Variants in NKAIN2 observed in about 807,000 individuals in gnomAD.
The protein encoded by NKAIN2 is sodium/potassium transporting ATPase interacting 2.
In NKAIN2, 14 loss-of-function variants were observed where a neutral mutation model predicts 32.6. That is an observed-to-expected ratio of 0.43 (90% confidence interval 0.28 to 0.67). NKAIN2 has a LOEUF of 0.67. Among genes scored for constraint, NKAIN2 ranks in the 30% least tolerant of loss-of-function variants. The probability of loss-of-function intolerance (pLI) is 0.17; values close to 1 mark genes in which losing one functional copy is unlikely to be tolerated. For missense variants in NKAIN2, 198 were observed against 258.3 expected, an observed-to-expected ratio of 0.77 and a Z score of 1.60; for synonymous variants, 80 against 87.2, an observed-to-expected ratio of 0.92 and a Z score of 0.46.
chr6:124,754,870 A>T (rs540213998), intron 4 of NKAIN2, among the ~76,000 whole-genome samples: 6 of 152,208 alleles, frequency 3.9e-5, no homozygotes, highest in African/African-American at 1.4e-4. Flanking sequence ...AATAGCAAAG[A>T]CATGGAATCA....
At chr6:124,277,601 T>C (rs1795098673) in intron 1 of NKAIN2, among the ~76,000 whole-genome samples, 1 of 152,150 alleles carries the variant, frequency 6.6e-6, no homozygotes, top group Non-Finnish European at 1.5e-5. Context: ...GACAAGTTTG[T>C]TAGTTCCTTG....
chr6:124,034,125 A>C (rs543895152), intron 1 of NKAIN2, among the ~76,000 whole-genome samples: 1 of 151,510 alleles, frequency 6.6e-6, no homozygotes, highest in Non-Finnish European at 1.5e-5. Flanking sequence ...TTTCTTTTTT[A>C]TTTTTCTTTA....
chr6:124,751,922 C>T (rs1013927060), intron 4 of NKAIN2, among the ~76,000 whole-genome samples: 2 of 151,984 alleles, frequency 1.3e-5, no homozygotes, highest in African/African-American at 4.8e-5. Flanking sequence ...ATTGAGGCTG[C>T]AGTGAGCTGT....
intron 4 of NKAIN2, among the ~76,000 whole-genome samples, chr6:124,684,294 GT>G (rs1313816169): frequency 6.6e-6 from 1 of 152,118 alleles, no homozygotes; most frequent in African/African-American, 2.4e-5. Context: ...GTGGAGTTTA[GT>G]AAATAGAGAT....
At chr6:124,303,657 G>C (rs111347854) in intron 2 of NKAIN2, among the ~76,000 whole-genome samples, 107 of 152,352 alleles carry the variant, frequency 7.0e-4, no homozygotes, top group Admixed American at 1.0e-3. Context: ...AGGTGGGTTA[G>C]CACCCAAGAT....
chr6:124,229,457 T>A (rs185284288), intron 1 of NKAIN2, among the ~76,000 whole-genome samples: 28 of 152,124 alleles, frequency 1.8e-4, no homozygotes, highest in Admixed American at 8.5e-4. Context: ...ATATATTATG[T>A]TCACATATTT....
chr6:124,364,333 G>T (rs1489809831), intron 3 of NKAIN2, among the ~76,000 whole-genome samples: 1 of 150,454 alleles, frequency 6.6e-6, no homozygotes, highest in Non-Finnish European at 1.5e-5. Context: ...TAAAAAAACA[G>T]AATTGGATAG....
chr6:123,885,994 C>G (rs190680717), intron 1 of NKAIN2, among the ~76,000 whole-genome samples: 2 of 144,974 alleles, frequency 1.4e-5, no homozygotes, highest in Admixed American at 6.9e-5. Flanking sequence ...TAGAAGAATA[C>G]AATTAAAAAA....
chr6:124,729,730 A>G (rs1418921126), intron 4 of NKAIN2, among the ~76,000 whole-genome samples: 1 of 151,174 alleles, frequency 6.6e-6, no homozygotes, highest in Non-Finnish European at 1.5e-5. Flanking sequence ...AGGAGAAGGA[A>G]ATAAAGGGTA....
At chr6:124,095,949 A>T (rs896896513) in intron 1 of NKAIN2, among the ~76,000 whole-genome samples, 8 of 152,176 alleles carry the variant, frequency 5.3e-5, no homozygotes, top group Non-Finnish European at 1.0e-4. Flanking sequence ...GGGCCCAGAG[A>T]TCTCTTTGTT....
At position 123,956,827 on chromosome 6, in the gene NKAIN2, A is replaced by G. The variant is rs184978946; in HGVS notation, c.54+152573A>G. Among the ~76,000 whole-genome samples, 261 of 152,364 alleles carry G rather than the reference A, an allele frequency of 1.7e-3. 1 individual carries two copies. The highest frequency in any genetic ancestry group is 6.8e-3 in the Middle Eastern group (2 of 294). On this transcript the variant is annotated intron_variant, in intron 1 of 6. Transcript: ENST00000368417. ...AGCATTTGTTGCAAGAGCTCAAGCT[A>G]GCCTCTCTGTGAATCAGTGCAAAGA...
intron 1 of NKAIN2, among the ~76,000 whole-genome samples, chr6:124,111,721 A>C (rs907167938): frequency 5.9e-5 from 9 of 151,918 alleles, no homozygotes; most frequent in African/African-American, 2.2e-4. Flanking sequence ...GTTTCTTATT[A>C]TTCTTACAGT....
At chr6:124,528,168 G>T (rs894045190) in intron 3 of NKAIN2, among the ~76,000 whole-genome samples, 1 of 152,218 alleles carries the variant, frequency 6.6e-6, no homozygotes, top group Non-Finnish European at 1.5e-5. Context: ...GCAACCTAGA[G>T]AGAGATGCTG....
chr6:124,186,932 CAG>C (rs1478221531), intron 1 of NKAIN2, among the ~76,000 whole-genome samples: 1 of 151,128 alleles, frequency 6.6e-6, no homozygotes, highest in Admixed American at 6.6e-5. Context: ...TACCTTAAAA[CAG>C]AGAATTTTTT....
chr6:124,380,385 A>T (rs1223843455), intron 3 of NKAIN2, among the ~76,000 whole-genome samples: 1 of 152,316 alleles, frequency 6.6e-6, no homozygotes, highest in East Asian at 1.9e-4. Flanking sequence ...ACTTCTTCAC[A>T]TGTAGATGTG....
At chr6:123,832,004 A>T (rs545870097) in intron 1 of NKAIN2, among the ~76,000 whole-genome samples, 1 of 152,142 alleles carries the variant, frequency 6.6e-6, no homozygotes, top group African/African-American at 2.4e-5. Context: ...ATCCGTTTTC[A>T]TTAGGGTTCC....
Position 124,069,268 on chromosome 6 carries a change from A to G in NKAIN2, c.55-213737A>G, listed in dbSNP as rs140462361. Among the ~76,000 whole-genome samples, 464 of 152,158 alleles carry G rather than the reference A, an allele frequency of 3.0e-3. 3 individuals carry two copies. Among genetic ancestry groups the G allele is most frequent in the Non-Finnish European group, 4.2e-3 (284 of 68,012 alleles). Reference sequence around the variant, plus strand: ...AATTGTTCACAGTCAACTCAATTCTATGGAGCAGTCACCTAGCAAGAGTTC... The same window carrying G: ...AATTGTTCACAGTCAACTCAATTCTGTGGAGCAGTCACCTAGCAAGAGTTC... On this transcript the variant is annotated intron_variant, in intron 1 of 6. Coordinates refer to ENST00000368417, the MANE Select transcript of NKAIN2 (RefSeq NM_001040214.3).
chr6:124,107,506 G>A (rs1450583853), intron 1 of NKAIN2, among the ~76,000 whole-genome samples: 1 of 152,228 alleles, frequency 6.6e-6, no homozygotes, highest in South Asian at 2.1e-4. Context: ...TTCATACTGT[G>A]TACCAGGCAC....
chr6:124,152,600 T>C (rs1787787019), intron 1 of NKAIN2, among the ~76,000 whole-genome samples: 1 of 151,926 alleles, frequency 6.6e-6, no homozygotes, highest in East Asian at 1.9e-4. Flanking sequence ...GGAAACAATA[T>C]GGAGGTTCTT....
Sources: allele counts gnomAD v4.1 joint callset (sites outside exome capture counted in the v4.1 genomes callset), GRCh38; gene constraint gnomAD v4.1.1; transcripts MANE v1.5; gene names NCBI Gene and HGNC (gene_info 2026-07-23, HGNC 2026-07-21).